GAB2: variants seen among roughly 807,000 people sequenced by gnomAD.
The protein encoded by GAB2 is GRB2-associated-binding protein 2.
A neutral mutation model predicts 65.5 loss-of-function variants in GAB2; 26 were observed. The observed-to-expected ratio is 0.40, with a 90% CI of 0.29 to 0.55. GAB2 has a LOEUF of 0.55. GAB2 is among the 20% of genes least tolerant of loss of function. The pLI, the probability that GAB2 is intolerant of heterozygous loss-of-function variation, is 0.53. For synonymous variants in GAB2, 321 were observed against 329.6 expected (o/e 0.97, Z 0.28); for missense variants, 884 against 875.8 (o/e 1.01, Z -0.12).
At chr11:78,246,231 G>A (rs540962254) in intron 3 of GAB2, among the ~76,000 whole-genome samples, 5 of 152,030 alleles carry the variant, frequency 3.3e-5, no homozygotes, top group Admixed American at 2.6e-4. Flanking sequence ...AGTGTCCGGT[G>A]GCAGAGGGTT....
chr11:78,255,412 A>G (rs1294958209), intron 2 of GAB2, among the ~76,000 whole-genome samples: 1 of 152,196 alleles, frequency 6.6e-6, no homozygotes, highest in Non-Finnish European at 1.5e-5. Context: ...CATAAAACCT[A>G]AAACATCAAA....
rs181139675 is a variant in GAB2 at position 78,287,780 on chromosome 11, C to T, written c.76-6879G>A. On this transcript the variant is annotated intron_variant, in intron 1 of 9. Coordinates refer to ENST00000361507, the MANE Select transcript of GAB2 (RefSeq NM_080491.3). ...TCTTGTGCCTCAGCCTCCCAAGTAGCTGGGATTACAGGTGTGCACTGCCAC... is the reference window on the plus strand; with the variant it reads ...TCTTGTGCCTCAGCCTCCCAAGTAGTTGGGATTACAGGTGTGCACTGCCAC... Among the ~76,000 whole-genome samples, 3 of 151,144 alleles carry T rather than the reference C, an allele frequency of 2.0e-5. No homozygotes were observed. In the East Asian group the frequency reaches 6.0e-4, roughly 30 times the overall value.
chr11:78,289,879 G>A (rs1866607601), intron 1 of GAB2, among the ~76,000 whole-genome samples: 1 of 148,336 alleles, frequency 6.7e-6, no homozygotes, highest in Non-Finnish European at 1.5e-5. Flanking sequence ...CAAGGCCTGG[G>A]CATGGGAACA....
At chr11:78,322,628 C>G (rs1331821771) in intron 1 of GAB2, among the ~76,000 whole-genome samples, 2 of 151,768 alleles carry the variant, frequency 1.3e-5, no homozygotes, top group African/African-American at 2.4e-5. Flanking sequence ...ACAAATAATA[C>G]CATTATAAAG....
At chr11:78,274,569 G>A (rs575443469) in intron 2 of GAB2, among the ~76,000 whole-genome samples, 4 of 152,292 alleles carry the variant, frequency 2.6e-5, no homozygotes, top group South Asian at 2.1e-4. Flanking sequence ...TTTATAAAAG[G>A]AAGTTGAGAC....
At chr11:78,374,647 C>A (rs1044581473) in intron 1 of GAB2, among the ~76,000 whole-genome samples, 1 of 152,144 alleles carries the variant, frequency 6.6e-6, no homozygotes, top group Non-Finnish European at 1.5e-5. Context: ...CTATCCCTAT[C>A]TTTAAGGGTT....
chr11:78,221,647 C>T (rs1455655401), intron 8 of GAB2, 30 bp downstream of exon 8: 4 of 1,416,196 alleles, frequency 2.8e-6, no homozygotes, highest in Non-Finnish European at 4.0e-6. Context: ...ACTTGAAAGG[C>T]GTCATTCCAG....
In GAB2 at chr11:78,417,734, AG is replaced by A; in HGVS notation, c.-15del. On this transcript the variant is annotated 5_prime_UTR_variant, in exon 1 of 10. Coordinates refer to ENST00000361507, the MANE Select transcript of GAB2 (RefSeq NM_080491.3). Reference sequence around the variant, plus strand: ...GCCGCCGCTCATGCTGCCGGCCTGGAGCCCCCCGCCGGGTCGCGCGGACGAG... The same window carrying A: ...GCCGCCGCTCATGCTGCCGGCCTGGACCCCCCGCCGGGTCGCGCGGACGAG... The A allele has an allele frequency of 1.6e-6, 2 of 1,271,144 alleles. No homozygotes were observed. The highest frequency in any genetic ancestry group is 2.0e-6 in the Non-Finnish European group (2 of 983,646). 78.7% of individuals were successfully genotyped at this position (1,271,144 alleles called of 1,614,324 possible).
chr11:78,229,974 G>C (rs746860907), intron 3 of GAB2, among the ~76,000 whole-genome samples: 12 of 152,084 alleles, frequency 7.9e-5, no homozygotes, highest in Non-Finnish European at 1.8e-4. Flanking sequence ...GCTTAACTTT[G>C]TTCTTGGAGC....
chr11:78,317,859 CAAGAAAAAG>C (rs1855642570), intron 1 of GAB2, among the ~76,000 whole-genome samples: 1 of 151,658 alleles, frequency 6.6e-6, no homozygotes, highest in Non-Finnish European at 1.5e-5. Flanking sequence ...CATTAAAAAA[CAAGAAAAAG>C]AAGAAGAAGA....
Position 78,324,139 on chromosome 11 carries a change from T to G in GAB2, c.76-43238A>C, listed in dbSNP as rs143831456. Among the ~76,000 whole-genome samples the G allele has an allele frequency of 2.9e-3, 442 of 152,158 alleles. 2 individuals carry two copies. The highest frequency in any genetic ancestry group is 0.01 in the African/African-American group (427 of 41,522). The stretch of plus-strand genomic sequence containing the variant: ...TTTTTAAAGAGGCATGTTCTTAAAA[T>G]GTGAAATTCTTTCTACTTGCCGTGA... On this transcript the variant is annotated intron_variant, in intron 1 of 9. Transcript: ENST00000361507.
intron 3 of GAB2, among the ~76,000 whole-genome samples, chr11:78,238,784 T>C (rs547311731): frequency 2.2e-4 from 33 of 152,226 alleles, no homozygotes; most frequent in Non-Finnish European, 1.3e-4. Flanking sequence ...AATGCAGAAA[T>C]TGAACATCAG....
At chr11:78,255,736 T>C (rs1865579509) in intron 2 of GAB2, among the ~76,000 whole-genome samples, 1 of 152,240 alleles carries the variant, frequency 6.6e-6, no homozygotes, top group African/African-American at 2.4e-5. Context: ...GAGTACATTC[T>C]ACATGGCCAT....
intron 1 of GAB2, among the ~76,000 whole-genome samples, chr11:78,310,634 G>T (rs1023660299): frequency 6.6e-6 from 1 of 152,116 alleles, no homozygotes; most frequent in African/African-American, 2.4e-5. Flanking sequence ...ATTTAAATGA[G>T]CTCACAGTGA....
At chr11:78,253,956 T>A (rs1447284240) in intron 2 of GAB2, among the ~76,000 whole-genome samples, 1 of 152,204 alleles carries the variant, frequency 6.6e-6, no homozygotes, top group Non-Finnish European at 1.5e-5. Context: ...AAATGCATCC[T>A]TCATGCCCCC....
chr11:78,281,105 C>T (rs1866322451), intron 1 of GAB2, among the ~76,000 whole-genome samples: 1 of 152,128 alleles, frequency 6.6e-6, no homozygotes. Flanking sequence ...AGACGCACAT[C>T]ACCACGCCCA....
At position 78,417,692 on chromosome 11, in the gene GAB2, G is replaced by C. The variant is rs776035345; in HGVS notation, c.29C>G (p.Thr10Ser). Residue 10 changes from threonine to serine, a missense_variant, in exon 1 of 10, where the codon ACC becomes AGC. Physicochemically the swap from Thr to Ser is moderately conservative, Grantham distance 58. Transcript: ENST00000361507. MSGGGDVVC[T>S]GWLRKSPPEK... ...GGGAGGCGATTTCCTCAGCCAGCCG[G>C]TGCACACCACGTCGCCGCCGCCGCT... 1.0e-5 allele frequency: 14 copies of C among 1,371,168 alleles called. No individual in the cohort carries two copies. Among genetic ancestry groups the C allele is most frequent in the Admixed American group, 4.5e-5 (2 of 44,412 alleles). 84.9% of individuals were successfully genotyped at this position (1,371,168 alleles called of 1,614,324 possible).
intron 2 of GAB2, among the ~76,000 whole-genome samples, chr11:78,258,605 G>GGT (rs1554979670): frequency 2.0e-5 from 3 of 147,518 alleles, no homozygotes; most frequent in African/African-American, 7.4e-5. Context: ...TTAATTTTCT[G>GGT]TTTTTTTTTT....
intron 8 of GAB2, among the ~76,000 whole-genome samples, chr11:78,221,015 C>A (rs1001610349): frequency 6.6e-6 from 1 of 152,236 alleles, no homozygotes; most frequent in East Asian, 1.9e-4. Context: ...GTGGCTTCAT[C>A]TCCAGGCTGC....
Sources: gnomAD v4.1 joint callset for allele counts (sites outside exome capture counted in the v4.1 genomes callset) on GRCh38, gnomAD v4.1.1 for gene constraint, MANE v1.5 for transcripts, NCBI Gene and HGNC (gene_info 2026-07-23, HGNC 2026-07-21) for gene names.